The following FAM53A variants were observed in gnomAD, a reference collection of about 807,000 sequenced individuals.
FAM53A encodes family with sequence similarity 53 member A.
Under a neutral mutation model 26.6 loss-of-function variants are expected in FAM53A, and 28 were observed. That is an observed-to-expected ratio of 1.05 (90% CI 0.78 to 1.45). The LOEUF (loss-of-function observed/expected upper bound fraction) is 1.45. Ranked by LOEUF, FAM53A falls within the 40% of genes most tolerant of loss-of-function variation. FAM53A has a pLI of 0.00. For missense variants in FAM53A, 650 were observed against 575.8 expected (o/e 1.13, Z -1.32); for synonymous variants, 290 against 253.1 (o/e 1.15, Z -1.38).
At chr4:1,672,379 C>T (rs534372510) in intron 1 of FAM53A, among the ~76,000 whole-genome samples, 2 of 150,940 alleles carry the variant, frequency 1.3e-5, no homozygotes, top group East Asian at 1.9e-4. Context: ...CACGAACCCA[C>T]GAACCCAGGA....
At chr4:1,644,165 C>A (rs775325150) in intron 4 of FAM53A, 2 of 1,532,366 alleles carry the variant, frequency 1.3e-6, no homozygotes, top group South Asian at 1.2e-5. Context: ...ACACACGCAC[C>A]GGGGTGGCGG....
Position 1,630,476 on chromosome 4 carries a change from A to G in FAM53A, c.432-12365T>C, listed in dbSNP as rs1250710633. On this transcript the variant is annotated intron_variant, in intron 1 of 1. Transcript: ENST00000489029. The surrounding 1 kb of genome is among the most constrained non-coding windows in gnomAD (Gnocchi z 4.3). ...GCCGCGGTTTGCCGACCCCCAACTC[A>G]TGGATCACGTGTCACGAATCGTGTA... 6.6e-6 allele frequency among the ~76,000 whole-genome samples: 1 copy of G among 152,218 alleles called. No individual in the cohort carries two copies. The highest frequency in any genetic ancestry group is 1.5e-5 in the Non-Finnish European group (1 of 68,032).
the FAM53A span, among the ~76,000 whole-genome samples, chr4:1,586,929 G>A: frequency 6.6e-6 from 1 of 152,070 alleles, no homozygotes; most frequent in Non-Finnish European, 1.5e-5. Context: ...GATAGTAGCT[G>A]TTCTAAAAGG....
chr4:1,649,806 G>A (rs1712584316), intron 4 of FAM53A, among the ~76,000 whole-genome samples: 1 of 150,310 alleles, frequency 6.7e-6, no homozygotes, highest in East Asian at 1.9e-4. Context: ...GGACCCCTGA[G>A]GTGGCTCAGG....
chr4:1,602,986 C>T, the FAM53A span, among the ~76,000 whole-genome samples: 42 of 152,332 alleles, frequency 2.8e-4, no homozygotes, highest in South Asian at 7.5e-3. Flanking sequence ...GTCCTCCATC[C>T]TCTCCCATCT....
chr4:1,626,514 G>A lies in FAM53A; in HGVS notation c.432-8403C>T, dbSNP rs190780843. ...GCCCGGGGGGACCAGGGGAGGACCCGGGACAGTGTAGACTCTCAGCCACAG... is the reference window on the plus strand; with the variant it reads ...GCCCGGGGGGACCAGGGGAGGACCCAGGACAGTGTAGACTCTCAGCCACAG... On this transcript the variant is annotated intron_variant, in intron 1 of 1. Coordinates refer to the FAM53A transcript ENST00000489029. Among the ~76,000 whole-genome samples the A allele has an allele frequency of 1.0e-3, 154 of 151,636 alleles. 1 individual carries two copies. Among genetic ancestry groups the A allele is most frequent in the Admixed American group, 5.3e-3 (81 of 15,266 alleles).
At chr4:1,658,996 C>A (rs886409339) in intron 2 of FAM53A, among the ~76,000 whole-genome samples, 1 of 152,254 alleles carries the variant, frequency 6.6e-6, no homozygotes, top group Non-Finnish European at 1.5e-5. Context: ...CATGGCATCA[C>A]GTCCTATGAT....
At chr4:1,652,689 CCACACACCACA>C (rs1337611176) in intron 4 of FAM53A, among the ~76,000 whole-genome samples, 1 of 145,712 alleles carries the variant, frequency 6.9e-6, no homozygotes, top group Non-Finnish European at 1.5e-5. Context: ...ATACCACAGA[CCACACACCACA>C]CACAGAACAC....
intron 4 of FAM53A, among the ~76,000 whole-genome samples, chr4:1,651,445 T>A (rs1478560976): frequency 6.6e-6 from 1 of 151,332 alleles, no homozygotes; most frequent in African/African-American, 2.4e-5. Context: ...GGCAGGAGAA[T>A]TGCTTGAGTC....
At chr4:1,660,958 A>G (rs1363907709) in intron 2 of FAM53A, among the ~76,000 whole-genome samples, 2 of 151,508 alleles carry the variant, frequency 1.3e-5, no homozygotes, top group Non-Finnish European at 2.9e-5. Flanking sequence ...ACAGCTGCAC[A>G]GGGCTGGAGG....
the FAM53A span, among the ~76,000 whole-genome samples, chr4:1,591,682 C>T: frequency 6.6e-6 from 1 of 152,244 alleles, no homozygotes; most frequent in African/African-American, 2.4e-5. Flanking sequence ...CTTTCAGCTC[C>T]TTCTGGGTGT....
chr4:1,602,236 A>T, the FAM53A span, among the ~76,000 whole-genome samples: 2 of 152,172 alleles, frequency 1.3e-5, no homozygotes, highest in African/African-American at 2.4e-5. Context: ...TGGGGCAAGA[A>T]GCCCTGCCGG....
At chr4:1,604,303 G>C in the FAM53A span, among the ~76,000 whole-genome samples, 1 of 152,246 alleles carries the variant, frequency 6.6e-6, no homozygotes, top group Non-Finnish European at 1.5e-5. Flanking sequence ...GAGTAGAAAG[G>C]AGATGGGGAG....
At chr4:1,575,987 G>T in the FAM53A span, among the ~76,000 whole-genome samples, 20 of 152,278 alleles carry the variant, frequency 1.3e-4, no homozygotes, top group South Asian at 4.1e-3. Context: ...CCACCTGCCC[G>T]GCTGTGGGCT....
intron 1 of FAM53A, among the ~76,000 whole-genome samples, chr4:1,623,308 G>C (rs11722366): frequency 0.26 from 38,754 of 151,398 alleles, 5,300 homozygotes; most frequent in African/African-American, 0.35. Flanking sequence ...ACCTTCCTCA[G>C]GAAGAGGCCT....
intron 1 of FAM53A, among the ~76,000 whole-genome samples, chr4:1,622,496 C>A (rs7694041): frequency 6.6e-6 from 1 of 152,186 alleles, no homozygotes; most frequent in Non-Finnish European, 1.5e-5. Context: ...AGGGCACTGC[C>A]GCTGAGGGGC....
chr4:1,678,514 G>T (rs535155577), intron 1 of FAM53A, among the ~76,000 whole-genome samples: 2 of 152,128 alleles, frequency 1.3e-5, no homozygotes, highest in Admixed American at 1.3e-4. Flanking sequence ...TGAAAAACTA[G>T]ACATCCACAA....
At chr4:1,632,986 G>C (rs759757789) in intron 1 of FAM53A, among the ~76,000 whole-genome samples, 3 of 152,166 alleles carry the variant, frequency 2.0e-5, no homozygotes, top group Non-Finnish European at 1.5e-5. Context: ...GCGCACGCAG[G>C]CATAGGTACA....
chr4:1,603,662 C>T, the FAM53A span, among the ~76,000 whole-genome samples: 4 of 152,208 alleles, frequency 2.6e-5, no homozygotes, highest in Admixed American at 6.5e-5. Flanking sequence ...CCCACTGACA[C>T]GGCTCCCACC....
Sources: gnomAD v4.1 joint callset for allele counts (sites outside exome capture counted in the v4.1 genomes callset) on GRCh38, gnomAD v4.1.1 for gene constraint, Gnocchi (gnomAD v3.1) non-coding constraint, MANE v1.5 for transcripts, NCBI Gene and HGNC (gene_info 2026-07-23, HGNC 2026-07-21) for gene names.